The following SYNE1 variants were observed in gnomAD, a reference collection of about 807,000 sequenced individuals.
The protein encoded by SYNE1 is spectrin repeat containing nuclear envelope protein 1.
A neutral mutation model predicts 1,111.0 loss-of-function variants in SYNE1; 616 were observed. The observed-to-expected ratio is 0.55, with a 90% CI of 0.52 to 0.59. The LOEUF (loss-of-function observed/expected upper bound fraction) is 0.59, where lower values mean the gene tolerates loss of function less well. Ranked by LOEUF, SYNE1 falls within the 20% of genes least tolerant of loss-of-function variation. SYNE1 has a pLI of 0.00. For missense variants in SYNE1, 10,006 were observed against 10,417.0 expected (o/e 0.96, Z 1.72); for synonymous variants, 3,855 against 3,825.8 (o/e 1.01, Z -0.28).
At chr6:152,238,646 T>C (rs1170729024) in intron 108 of SYNE1, among the ~76,000 whole-genome samples, 1 of 151,558 alleles carries the variant, frequency 6.6e-6, no homozygotes, top group African/African-American at 2.4e-5. Context: ...ATTGTGGGAG[T>C]GGGTGGGGAA....
At chr6:152,469,851 T>C (rs773937015) in intron 16 of SYNE1, among the ~76,000 whole-genome samples, 1 of 152,116 alleles carries the variant, frequency 6.6e-6, no homozygotes, top group Non-Finnish European at 1.5e-5. Flanking sequence ...CCTTGGTATC[T>C]AAAACAATGT....
intron 33 of SYNE1, chr6:152,435,738 C>A (rs2098468490): frequency 1.6e-6 from 1 of 631,834 alleles, no homozygotes; most frequent in Non-Finnish European, 2.7e-6. Context: ...AACCCACATC[C>A]TTTATATTTT....
chr6:152,242,166 C>T, intron 107 of SYNE1, 74 bp downstream of exon 107: 1 of 1,382,226 alleles, frequency 7.2e-7, no homozygotes, highest in African/African-American at 1.4e-5. Context: ...TTAGGTTTTA[C>T]TAAATATATA....
Position 152,433,907 on chromosome 6 carries a change from T to C in SYNE1, c.4349A>G (p.His1450Arg), listed in dbSNP as rs1196648695. 6.2e-7 allele frequency: 1 copy of C among 1,613,596 alleles called. No individual in the cohort carries two copies. Among genetic ancestry groups the C allele is most frequent in the Non-Finnish European group, 8.5e-7 (1 of 1,179,780 alleles). Reference sequence around the variant, plus strand: ...CAGAGTCTCAAAATTACTGCCAAAATGATCCCACTTGGTTTTCACCATTTC... The same window carrying C: ...CAGAGTCTCAAAATTACTGCCAAAACGATCCCACTTGGTTTTCACCATTTC... ...TMEMVKTKWD[H>R]FGSNFETLSV... Residue 1450 changes from histidine to arginine, a missense_variant, in exon 34 of 146, where the codon CAT becomes CGT. Transcript: ENST00000367255.
intron 34 of SYNE1, 124 bp from the exon 35 acceptor site, chr6:152,430,833 G>T: frequency 1.1e-6 from 1 of 938,352 alleles, no homozygotes; most frequent in Non-Finnish European, 1.7e-6. Context: ...GATGGTTAGA[G>T]CGCAGCTGTG....
intron 101 of SYNE1, 108 bp downstream of exon 101, chr6:152,261,924 T>C: frequency 1.2e-6 from 1 of 867,632 alleles, no homozygotes; most frequent in East Asian, 2.8e-5. Context: ...TGTCATGTCT[T>C]AGTTTGAAAT....
intron 3 of SYNE1, among the ~76,000 whole-genome samples, chr6:152,585,510 T>C (rs1051138254): frequency 3.9e-5 from 6 of 152,242 alleles, no homozygotes; most frequent in African/African-American, 1.4e-4. Flanking sequence ...TTCTACTGAC[T>C]GGTTTTCCTT....
rs778930647 is a variant in SYNE1, at chr6:152,339,268, T to G, written c.12324A>C (p.Ala4108=). 1.2e-6 allele frequency: 2 copies of G among 1,614,032 alleles called. No homozygotes were observed. Among genetic ancestry groups the G allele is most frequent in the South Asian group, 1.1e-5 (1 of 91,086 alleles). Residue 4108 remains alanine, a synonymous_variant, in exon 75 of 146, where the codon GCA becomes GCC. Transcript: ENST00000367255. Reference sequence around the variant, plus strand: ...TTTGCTCTGTTTGTTGAATGTCTTTTGCTGTGGTTTTCACCGAAGCATTTG... The same window carrying G: ...TTTGCTCTGTTTGTTGAATGTCTTTGGCTGTGGTTTTCACCGAAGCATTTG... The part of the protein sequence containing the change: ...DLSNASVKTT[A]KDIQQTEQTI...
At chr6:152,534,198 G>A (rs556789693) in intron 4 of SYNE1, among the ~76,000 whole-genome samples, 66 of 138,902 alleles carry the variant, frequency 4.8e-4, no homozygotes, top group East Asian at 1.6e-3. Context: ...ATGAATGAAT[G>A]AATGAATAAA....
chr6:152,310,996 A>C (rs1589793626), intron 87 of SYNE1, 123 bp from the exon 88 acceptor site: 2 of 918,638 alleles, frequency 2.2e-6, no homozygotes, highest in Non-Finnish European at 3.4e-6. Flanking sequence ...TTTAACCTTC[A>C]CCCCCCATGA....
At chr6:152,306,401 G>A (rs182565388) in intron 91 of SYNE1, among the ~76,000 whole-genome samples, 297 of 151,886 alleles carry the variant, frequency 2.0e-3, no homozygotes, top group African/African-American at 6.2e-3. Context: ...CAGGAGAATC[G>A]CCTGAACCCA....
intron 119 of SYNE1, 139 bp from the exon 120 acceptor site, chr6:152,219,324 GA>G: frequency 1.1e-6 from 1 of 880,528 alleles, no homozygotes; most frequent in Non-Finnish European, 1.8e-6. Flanking sequence ...TTCACCTGTG[GA>G]AAAATGAACA....
Position 152,451,196 on chromosome 6 carries a change from C to G in SYNE1, c.3037G>C (p.Gly1013Arg). The G allele has an allele frequency of 6.2e-7, 1 of 1,613,790 alleles. No homozygotes were observed. Among genetic ancestry groups the G allele is most frequent in the Non-Finnish European group, 8.5e-7 (1 of 1,179,948 alleles). The change falls in exon 26 of 146, where the codon GGA becomes CGA. Residue 1013 changes from glycine to arginine, a missense_variant. Gly to Arg is a moderately radical substitution (Grantham distance 125). Coordinates refer to ENST00000367255, the MANE Select transcript of SYNE1 (RefSeq NM_182961.4). ...KLHKQWKDLQ[G>R]EAPYHLLHLK... ...TGAAGCAAATGATAAGGGGCTTCTCCTTGAAGATCCTACATTCCATAGGAA... is the reference window on the plus strand; with the variant it reads ...TGAAGCAAATGATAAGGGGCTTCTCGTTGAAGATCCTACATTCCATAGGAA...
intron 75 of SYNE1, among the ~76,000 whole-genome samples, chr6:152,338,520 C>T (rs1318495749): frequency 1.3e-5 from 2 of 151,984 alleles, no homozygotes; most frequent in African/African-American, 2.4e-5. Flanking sequence ...TATTGGGAGG[C>T]GGAGGTGGGA....
chr6:152,433,474 A>G (rs2098447455), intron 34 of SYNE1: 3 of 356,866 alleles, frequency 8.4e-6, no homozygotes, highest in Admixed American at 4.1e-5. Flanking sequence ...ATGTTGTATA[A>G]TGAACCGGCA....
intron 138 of SYNE1, among the ~76,000 whole-genome samples, chr6:152,142,768 T>G (rs1333475708): frequency 6.6e-6 from 1 of 152,208 alleles, no homozygotes; most frequent in Non-Finnish European, 1.5e-5. Flanking sequence ...AACAAACTCA[T>G]AATTGACCGC....
chr6:152,275,559 T>C (rs2093556957), intron 98 of SYNE1, among the ~76,000 whole-genome samples: 1 of 152,142 alleles, frequency 6.6e-6, no homozygotes. Context: ...CAAACTATTT[T>C]AATTATTGTA....
Position 152,444,499 on chromosome 6 carries a change from G to C in SYNE1, c.3749C>G (p.Ser1250Cys), listed in dbSNP as rs775456029. The C allele has an allele frequency of 3.0e-5, 49 of 1,613,740 alleles. 3 individuals carry two copies. The South Asian group carries it at 5.3e-4, about 17-fold the overall frequency. ...TTGTTCCTGGACTTCTTTAGAGCCA[G>C]AAATTAATTCTTCGAGAGAATTTTT... Reference protein sequence around the residue: ...IVKNSLEELISGSKEVQEQAE... With the variant: ...IVKNSLEELICGSKEVQEQAE... Residue 1250 changes from serine (S) to cysteine (C), a missense_variant, in exon 30 of 146, where the codon TCT (serine) becomes TGT (cysteine). This residue lies in a region of SYNE1 where 1,971 missense variants were observed against 2,084.1 expected (regional missense o/e 0.95). Coordinates refer to ENST00000367255, the MANE Select transcript of SYNE1 (RefSeq NM_182961.4).
At chr6:152,629,731 C>T (rs570310978) in intron 2 of SYNE1, among the ~76,000 whole-genome samples, 13 of 152,032 alleles carry the variant, frequency 8.6e-5, no homozygotes, top group African/African-American at 2.7e-4. Context: ...GAGAAAGAAA[C>T]GGCCTCCGAA....
Sources: allele counts gnomAD v4.1 joint callset (sites outside exome capture counted in the v4.1 genomes callset), GRCh38; gene constraint gnomAD v4.1.1; regional missense constraint gnomAD v4.1.1; transcripts MANE v1.5; gene names NCBI Gene and HGNC (gene_info 2026-07-23, HGNC 2026-07-21).